Variants in SCAPER observed in about 807,000 individuals in gnomAD.
SCAPER encodes S-phase cyclin A associated protein in the ER.
SCAPER carries 98 observed loss-of-function variants against 182.2 expected under a neutral mutation model. The ratio of observed to expected loss-of-function variants is 0.54; its 90% CI spans 0.46 to 0.64. The LOEUF is 0.64. Ranked by LOEUF, SCAPER falls within the 30% of genes least tolerant of loss-of-function variation. The probability of loss-of-function intolerance (pLI) is 0.00; values close to 1 mark genes in which losing one functional copy is unlikely to be tolerated. For missense variants in SCAPER, 1,432 were observed against 1,690.0 expected (o/e 0.85, Z 2.68); for synonymous variants, 605 against 564.6 (o/e 1.07, Z -1.01).
chr15:76,403,027 G>A (rs1198416077), intron 27 of SCAPER, among the ~76,000 whole-genome samples: 2 of 152,142 alleles, frequency 1.3e-5, no homozygotes, highest in Non-Finnish European at 2.9e-5. Context: ...ATCTGGATTC[G>A]AGAAAATACA....
Position 76,621,813 on chromosome 15 carries a change from T to C in SCAPER, c.2662A>G (p.Ser888Gly), listed in dbSNP as rs1223508636. The change falls in exon 22 of 32, where the codon AGT becomes GGT. Residue 888 changes from serine to glycine, a missense_variant. Ser to Gly is a moderately conservative substitution (Grantham distance 56, BLOSUM62 0). This residue lies in a region of SCAPER where 718 missense variants were observed against 799.7 expected (regional missense o/e 0.90). Coordinates refer to ENST00000563290, the MANE Select transcript of SCAPER (RefSeq NM_020843.4). ...CCAGAATTTTTGGTTTCCATTAAAC[T>C]CTCATATTCCTTAGCCCTGAAGAGA... is the stretch of plus-strand genomic sequence containing the variant. ...RMNFRAKEYE[S>G]LMETKNSGSD... 2.5e-6 allele frequency: 4 copies of C among 1,606,454 alleles called. No individual in the cohort carries two copies. Among genetic ancestry groups the C allele is most frequent in the Non-Finnish European group, 2.6e-6 (3 of 1,176,296 alleles).
intron 25 of SCAPER, among the ~76,000 whole-genome samples, chr15:76,448,981 T>C (rs1000067264): frequency 2.6e-5 from 4 of 152,166 alleles, no homozygotes; most frequent in Non-Finnish European, 4.4e-5. Flanking sequence ...AGCTTGATAA[T>C]GCTGACACTT....
chr15:76,527,906 A>G (rs536340333), intron 23 of SCAPER, among the ~76,000 whole-genome samples: 1 of 152,312 alleles, frequency 6.6e-6, no homozygotes, highest in Non-Finnish European at 1.5e-5. Context: ...AGACAACCCA[A>G]AACTTTCCCC....
chr15:76,401,536 T>C (rs571296254), intron 27 of SCAPER, among the ~76,000 whole-genome samples: 1 of 152,320 alleles, frequency 6.6e-6, no homozygotes, highest in East Asian at 1.9e-4. Flanking sequence ...AGAAATTTGA[T>C]CCTGTCCTCC....
At chr15:76,437,019 A>G (rs566553769) in intron 25 of SCAPER, among the ~76,000 whole-genome samples, 22 of 152,290 alleles carry the variant, frequency 1.4e-4, no homozygotes, top group Non-Finnish European at 2.8e-4. Context: ...CTGTTCTGAG[A>G]ATGTGTTTTC....
chr15:76,757,492 C>A (rs1201580184), intron 14 of SCAPER, among the ~76,000 whole-genome samples: 1 of 151,248 alleles, frequency 6.6e-6, no homozygotes, highest in Non-Finnish European at 1.5e-5. Context: ...AAATATATAC[C>A]ATATTTTTCT....
chr15:76,631,429 G>A (rs559703584), intron 21 of SCAPER, among the ~76,000 whole-genome samples: 3 of 152,276 alleles, frequency 2.0e-5, no homozygotes, highest in East Asian at 3.9e-4. Flanking sequence ...GGCTGGTAAC[G>A]TTCTTTCCTT....
chr15:76,446,621 G>A (rs2048018391), intron 25 of SCAPER, among the ~76,000 whole-genome samples: 1 of 152,162 alleles, frequency 6.6e-6, no homozygotes, highest in Admixed American at 6.5e-5. Flanking sequence ...GGACAGATGT[G>A]TTATGGATAA....
At chr15:76,679,158 GA>G (rs779204443) in intron 20 of SCAPER, among the ~76,000 whole-genome samples, 3 of 152,084 alleles carry the variant, frequency 2.0e-5, no homozygotes, top group African/African-American at 7.2e-5. Context: ...CAACAATATA[GA>G]AAAATTACTT....
At chr15:76,753,757 C>G (rs2062239657) in intron 15 of SCAPER, 51 bp downstream of exon 15, 1 of 1,567,984 alleles carries the variant, frequency 6.4e-7, no homozygotes, top group Non-Finnish European at 8.7e-7. Flanking sequence ...TATAACAATT[C>G]AAAAAAGTAC....
rs187585697 is a variant in SCAPER at position 76,811,955 on chromosome 15, C to T, written c.394-7322G>A. On this transcript the variant is annotated intron_variant, in intron 5 of 31. Coordinates refer to ENST00000563290, the MANE Select transcript of SCAPER (RefSeq NM_020843.4). ...CTCAAGAAACTAGGAAAAAAACAAA[C>T]TAAACCCAAAGTTAGCAGAAGGAAG... Among the ~76,000 whole-genome samples, 172 of 151,822 alleles carry T rather than the reference C, an allele frequency of 1.1e-3. 1 individual carries two copies. Among genetic ancestry groups the T allele is most frequent in the African/African-American group, 4.0e-3 (166 of 41,426 alleles).
At chr15:76,498,005 AAAAAAAAAAAAAAAAT>A (rs1313059539) in intron 24 of SCAPER, among the ~76,000 whole-genome samples, 2 of 150,180 alleles carry the variant, frequency 1.3e-5, no homozygotes, top group African/African-American at 4.9e-5. Flanking sequence ...AAAAAAAAAA[AAAAAAAAAAAAAAAAT>A]AAGCACATGA....
intron 22 of SCAPER, among the ~76,000 whole-genome samples, chr15:76,606,217 T>G (rs1316895643): frequency 6.6e-6 from 1 of 152,238 alleles, no homozygotes; most frequent in Non-Finnish European, 1.5e-5. Flanking sequence ...TTTGGTATGT[T>G]GTGTCTTTGT....
At position 76,529,218 on chromosome 15, in the gene SCAPER, G is replaced by T. The variant is rs530898742; in HGVS notation, c.2839-24244C>A. Among the ~76,000 whole-genome samples, 8 of 152,064 alleles carry T rather than the reference G, an allele frequency of 5.3e-5. No individual in the cohort carries two copies. In the East Asian group the frequency reaches 1.5e-3, roughly 29 times the overall value. Reference sequence around the variant, plus strand: ...ACCCTCACACCTGGCTAATTTTTTGGTATGTTTAGGAGAGACAGGGTTTTG... The same window carrying T: ...ACCCTCACACCTGGCTAATTTTTTGTTATGTTTAGGAGAGACAGGGTTTTG... On this transcript the variant is annotated intron_variant, in intron 23 of 31. Transcript: ENST00000563290.
intron 24 of SCAPER, among the ~76,000 whole-genome samples, chr15:76,501,089 A>G (rs913737748): frequency 6.6e-6 from 1 of 152,070 alleles, no homozygotes; most frequent in African/African-American, 2.4e-5. Flanking sequence ...GTCTACCCCA[A>G]AGGAGATACA....
At chr15:76,434,862 G>A (rs937677850) in intron 25 of SCAPER, among the ~76,000 whole-genome samples, 1 of 152,178 alleles carries the variant, frequency 6.6e-6, no homozygotes, top group Non-Finnish European at 1.5e-5. Flanking sequence ...GTTATTAAAC[G>A]TTGGAGCTTG....
rs375524648 is a variant in SCAPER, at chr15:76,651,245, A to C, written c.2645+14408T>G. Among the ~76,000 whole-genome samples, 17 of 152,298 alleles carry C rather than the reference A, an allele frequency of 1.1e-4. No homozygotes were observed. In the East Asian group the frequency reaches 3.1e-3, roughly 28 times the overall value. On this transcript the variant is annotated intron_variant, in intron 21 of 31. Transcript: ENST00000563290. ...TAACAAAATTGATAAATTCTAGACC[A>C]GAGATCGGGGGGAACGAAGGAAGAA...
At chr15:76,564,462 T>C (rs2046877625) in intron 23 of SCAPER, among the ~76,000 whole-genome samples, 1 of 151,680 alleles carries the variant, frequency 6.6e-6, no homozygotes, top group African/African-American at 2.4e-5. Context: ...ACTAGGGAGG[T>C]AAAAGATCTC....
At chr15:76,351,421 G>T in intron 30 of SCAPER, 133 bp from the exon 31 acceptor site, 1 of 636,862 alleles carries the variant, frequency 1.6e-6, no homozygotes, top group Non-Finnish European at 2.5e-6. Context: ...TATAAACGCT[G>T]AAGAAACTGA....
Sources: allele counts gnomAD v4.1 joint callset (sites outside exome capture counted in the v4.1 genomes callset), GRCh38; gene constraint gnomAD v4.1.1; regional missense constraint gnomAD v4.1.1; transcripts MANE v1.5; gene names NCBI Gene and HGNC (gene_info 2026-07-23, HGNC 2026-07-21).